SPDYE18: variants seen among roughly 807,000 people sequenced by gnomAD.
The protein encoded by SPDYE18 is speedy/RINGO cell cycle regulator family member E18.
SPDYE18 carries 6 observed loss-of-function variants against 44.9 expected under a neutral mutation model. That is an observed-to-expected ratio of 0.13 (90% CI 0.07 to 0.26). The LOEUF is 0.26. SPDYE18 is among the 10% of genes least tolerant of loss of function. SPDYE18 has a pLI of 1.00. For missense variants in SPDYE18, 121 were observed against 463.2 expected (o/e 0.26, Z 6.78); for synonymous variants, 35 against 177.1 (o/e 0.20, Z 6.37).
Position 77,050,680 on chromosome 7 carries a change from A to G in SPDYE18, c.*1245T>C, listed in dbSNP as rs1378110106. On this transcript the variant is annotated 3_prime_UTR_variant, in exon 9 of 9. Transcript: ENST00000510091. Reference sequence around the variant, plus strand: ...TAACTAAGTATCACAGATAAAAACCATGCTCCCTTCAGCAGCACGTGTAAT... The same window carrying G: ...TAACTAAGTATCACAGATAAAAACCGTGCTCCCTTCAGCAGCACGTGTAAT... 1.3e-5 allele frequency among the ~76,000 whole-genome samples: 2 copies of G among 152,152 alleles called. No individual in the cohort carries two copies. Among genetic ancestry groups the G allele is most frequent in the African/African-American group, 2.4e-5 (1 of 41,476 alleles).
chr7:77,051,553 T>C lies in SPDYE18; in HGVS notation c.*372A>G, dbSNP rs1289245144. Among the ~76,000 whole-genome samples the C allele has an allele frequency of 1.8e-4, 27 of 152,386 alleles. No individual in the cohort carries two copies. The highest frequency in any genetic ancestry group is 6.5e-4 in the Admixed American group (10 of 15,290). ...GCTCCTGGACTGTGGCAACCAAGTC[T>C]GTAAGAAACAGGACCTCCAGGTTCC... On this transcript the variant is annotated 3_prime_UTR_variant, in exon 9 of 9. Coordinates refer to ENST00000510091, the MANE Select transcript of SPDYE18 (RefSeq NM_001394953.1).
chr7:77,050,766 G>A lies in SPDYE18; in HGVS notation c.*1159C>T, dbSNP rs1789773852. Among the ~76,000 whole-genome samples the A allele has an allele frequency of 6.6e-6, 1 of 151,876 alleles. No homozygotes were observed. ...ATGAAAAGAATCCTCTCTTAAAAAG[G>A]AAAACAAAATTATATGTATGTGTAT... On this transcript the variant is annotated 3_prime_UTR_variant, in exon 9 of 9. Coordinates refer to ENST00000510091, the MANE Select transcript of SPDYE18 (RefSeq NM_001394953.1).
At chr7:77,061,188 A>G (rs1041889604) in intron 1 of SPDYE18, among the ~76,000 whole-genome samples, 9 of 118,188 alleles carry the variant, frequency 7.6e-5, no homozygotes, top group African/African-American at 2.9e-4. Flanking sequence ...GAGATTCTAT[A>G]CTGGGGGTAC....
intron 4 of SPDYE18, among the ~76,000 whole-genome samples, chr7:77,057,044 ACTTT>A (rs779027639): frequency 0.097 from 14,609 of 150,484 alleles, 543 homozygotes; most frequent in Non-Finnish European, 0.14. Flanking sequence ...AGCTGAAACC[ACTTT>A]CTTTGTTTAT....
intron 6 of SPDYE18, among the ~76,000 whole-genome samples, chr7:77,053,520 T>C (rs1410795863): frequency 6.6e-6 from 1 of 152,236 alleles, no homozygotes; most frequent in Admixed American, 6.5e-5. Flanking sequence ...CTGGGCAACA[T>C]AGCAAGACCC....
In SPDYE18 at chr7:77,050,790, A is replaced by G. The variant is rs556900622; in HGVS notation, c.*1135T>C. 1.3e-5 allele frequency among the ~76,000 whole-genome samples: 2 copies of G among 151,892 alleles called. No homozygotes were observed. Among genetic ancestry groups the G allele is most frequent in the East Asian group, 3.9e-4 (2 of 5,194 alleles). On this transcript the variant is annotated 3_prime_UTR_variant, in exon 9 of 9. Transcript: ENST00000510091. ...GGAAAACAAAATTATATGTATGTGTATATAATAGTTATAACACCCATCACA... is the reference window on the plus strand; with the variant it reads ...GGAAAACAAAATTATATGTATGTGTGTATAATAGTTATAACACCCATCACA...
rs191132421 is a variant in SPDYE18 at position 77,051,024 on chromosome 7, T to C, written c.*901A>G. On this transcript the variant is annotated 3_prime_UTR_variant, in exon 9 of 9. Transcript: ENST00000510091. Reference sequence around the variant, plus strand: ...TGTATTAGACGTGTTAGTATATATATCTGAGACATGTTAAAAATCACAACT... The same window carrying C: ...TGTATTAGACGTGTTAGTATATATACCTGAGACATGTTAAAAATCACAACT... Among the ~76,000 whole-genome samples the C allele has an allele frequency of 6.3e-3, 956 of 151,772 alleles. 1 individual carries two copies. Among genetic ancestry groups the C allele is most frequent in the African/African-American group, 0.022 (920 of 41,380 alleles).
rs184595508 is a variant in SPDYE18, at chr7:77,060,487, C to T, written c.26G>A (p.Arg9His). ...CTTTCCCGTAATCTGTCCCCTCTTA[C>T]GGAACCTAGTCTTCGTTCTGTCCAT... MDRTKTRF[R>H]KRGQITGKIT... Residue 9 changes from arginine (R) to histidine (H), a missense_variant, in exon 2 of 9, where the codon CGT becomes CAT. Physicochemically the swap from Arg to His is conservative, Grantham distance 29 (BLOSUM62 0). Coordinates refer to ENST00000510091, the MANE Select transcript of SPDYE18 (RefSeq NM_001394953.1). 697 of 1,535,242 alleles carry T rather than the reference C, an allele frequency of 4.5e-4. 5 individuals are homozygous for T. In the African/African-American group the frequency reaches 5.8e-3, roughly 13 times the overall value.
At position 77,052,998 on chromosome 7, in the gene SPDYE18, T is replaced by G. The variant is rs1480900922; in HGVS notation, c.961A>C (p.Ser321Arg). Reference sequence around the variant, plus strand: ...TCCCGGGAAACCCAAGCCCTGCCGCTCATGGAACAGAAGAACTGGAACCGA... The same window carrying G: ...TCCCGGGAAACCCAAGCCCTGCCGCGCATGGAACAGAAGAACTGGAACCGA... The part of the protein sequence containing the change: ...KLRFQFFCSM[S>R]GRAWVSREEL... Residue 321 changes from serine to arginine, a missense_variant, in exon 7 of 9, where the codon AGC (serine) becomes CGC (arginine). Ser to Arg is a moderately radical substitution (Grantham distance 110). Coordinates refer to ENST00000510091, the MANE Select transcript of SPDYE18 (RefSeq NM_001394953.1). The G allele has an allele frequency of 6.2e-6, 10 of 1,612,208 alleles. No homozygotes were observed. Among genetic ancestry groups the G allele is most frequent in the Non-Finnish European group, 8.5e-6 (10 of 1,179,266 alleles).
At chr7:77,057,122 G>C (rs900020738) in intron 4 of SPDYE18, among the ~76,000 whole-genome samples, 7 of 152,386 alleles carry the variant, frequency 4.6e-5, no homozygotes, top group African/African-American at 1.4e-4. Context: ...ACAGAGTCTT[G>C]CTCTGTGGGC....
In SPDYE18 at chr7:77,060,359, G is replaced by A. The variant is rs1437204341; in HGVS notation, c.154C>T (p.Pro52Ser). The change falls in exon 2 of 9, where the codon CCA becomes TCA. Residue 52 changes from proline (P) to serine (S), a missense_variant. Transcript: ENST00000510091. ...QEVVDDEVLG[P>S]SAPGVDPSPP... ...CTTCCACCAGTCCCCTCACCTGATG[G>A]TCCCAACACTTCATCATCCACCACC... 115 of 1,535,350 alleles carry A rather than the reference G, an allele frequency of 7.5e-5. 1 individual carries two copies. The highest frequency in any genetic ancestry group is 1.5e-4 in the East Asian group (6 of 40,900).
In SPDYE18 at chr7:77,053,213, G is replaced by T. The variant is rs1272702900; in HGVS notation, c.756-10C>A. ...GTCATTGGCCAGGTAGCTGAGGACAGAAATCAGGTTGGTGCTCAGGGGCAC... is the reference window on the plus strand; with the variant it reads ...GTCATTGGCCAGGTAGCTGAGGACATAAATCAGGTTGGTGCTCAGGGGCAC... On this transcript the variant is annotated splice_polypyrimidine_tract_variant and intron_variant, in intron 6 of 8. Transcript: ENST00000510091. 6.2e-7 allele frequency: 1 copy of T among 1,612,814 alleles called. No individual in the cohort carries two copies. Among genetic ancestry groups the T allele is most frequent in the Non-Finnish European group, 8.5e-7 (1 of 1,179,990 alleles).
chr7:77,053,265 C>T, intron 6 of SPDYE18, 62 bp from the exon 7 acceptor site: 3 of 1,603,210 alleles, frequency 1.9e-6, no homozygotes, highest in Non-Finnish European at 2.5e-6. Flanking sequence ...CGGCTGAGGT[C>T]AGCTTCCCAG....
intron 6 of SPDYE18, among the ~76,000 whole-genome samples, chr7:77,054,007 C>CA (rs1196089055): frequency 1.3e-5 from 2 of 151,460 alleles, no homozygotes; most frequent in Admixed American, 6.7e-5. Flanking sequence ...AAGTCTGTCT[C>CA]AAAAAAATAA....
At chr7:77,055,553 C>T (rs1789906378) in intron 5 of SPDYE18, among the ~76,000 whole-genome samples, 2 of 125,538 alleles carry the variant, frequency 1.6e-5, no homozygotes, top group Non-Finnish European at 3.3e-5. Flanking sequence ...TGGTGGGCTC[C>T]GATGGGATCT....
At chr7:77,051,971 G>A (rs1789809112) in intron 8 of SPDYE18, among the ~76,000 whole-genome samples, 92 bp from the exon 9 acceptor site, 1 of 144,964 alleles carries the variant, frequency 6.9e-6, no homozygotes, top group Non-Finnish European at 1.5e-5. Context: ...AGAGTTCAGA[G>A]CAATTGAGAA....
rs149581645 is a variant in SPDYE18, at chr7:77,054,769, CTT to C, written c.755+465_755+466del. Among the ~76,000 whole-genome samples the C allele has an allele frequency of 1.4e-3, 186 of 134,044 alleles. No individual in the cohort carries two copies. The South Asian group carries it at 0.023, about 17-fold the overall frequency. The allele number at this position is 134,044 out of a possible 152,430, so 87.9% of individuals were successfully genotyped here. A position where few individuals can be genotyped will look rare whatever the true frequency, so the allele number is the denominator to read the frequency against. ...CTGGCATTGGAGTTTGTTTTTTTGG[CTT>C]TTTTTTTTTTTTTTGAGAAAAAGTC... On this transcript the variant is annotated intron_variant, in intron 6 of 8. Coordinates refer to ENST00000510091, the MANE Select transcript of SPDYE18 (RefSeq NM_001394953.1).
In SPDYE18 at chr7:77,050,940, TA is replaced by T. The variant is rs1170999178; in HGVS notation, c.*984del. On this transcript the variant is annotated 3_prime_UTR_variant, in exon 9 of 9. Transcript: ENST00000510091. ...TTAATAAATATTTCAATAAATAAAA[TA>T]ATACTTAAATAATTCTATACCCATG... 1.9e-4 allele frequency among the ~76,000 whole-genome samples: 29 copies of T among 149,014 alleles called. No individual in the cohort carries two copies. The highest frequency in any genetic ancestry group is 5.8e-4 in the East Asian group (3 of 5,158).
intron 8 of SPDYE18, among the ~76,000 whole-genome samples, chr7:77,052,447 A>C (rs71249369): frequency 0.4 from 54,762 of 137,504 alleles, 6,582 homozygotes; most frequent in African/African-American, 0.61. Flanking sequence ...ATTTATGATT[A>C]TTTTTGAGGC....
Sources: gnomAD v4.1 joint callset for allele counts (sites outside exome capture counted in the v4.1 genomes callset) on GRCh38, gnomAD v4.1.1 for gene constraint, MANE v1.5 for transcripts, NCBI Gene and HGNC (gene_info 2026-07-23, HGNC 2026-07-21) for gene names.